The following ZNF618 variants were observed in gnomAD, a reference collection of about 807,000 sequenced individuals.
The protein encoded by ZNF618 is neural precursor cell expressed, developmentally down-regulated 10.
In ZNF618, 34 loss-of-function variants were observed where a neutral mutation model predicts 103.0. The observed-to-expected ratio is 0.33, with a 90% confidence interval of 0.25 to 0.44. The LOEUF (loss-of-function observed/expected upper bound fraction) is 0.44. Among genes scored for constraint, ZNF618 ranks in the 20% least tolerant of loss-of-function variants. The pLI is 1.00. For missense variants in ZNF618, 1,059 were observed against 1,295.4 expected, an observed-to-expected ratio of 0.82 and a Z score of 2.80; for synonymous variants, 551 against 542.2, an observed-to-expected ratio of 1.02 and a Z score of -0.23.
At chr9:113,880,804 A>G (rs1392886691) in intron 1 of ZNF618, among the ~76,000 whole-genome samples, 3 of 152,234 alleles carry the variant, frequency 2.0e-5, no homozygotes, top group East Asian at 3.8e-4. Flanking sequence ...GGTCACGGCC[A>G]AAAGAGTTTG....
At position 114,016,779 on chromosome 9, in the gene ZNF618, C is replaced by T. The variant is rs1564302674; in HGVS notation, c.839C>T (p.Pro280Leu). 1 of 1,612,542 alleles carries T rather than the reference C, an allele frequency of 6.2e-7. No individual in the cohort carries two copies. The highest frequency in any genetic ancestry group is 1.1e-5 in the South Asian group (1 of 90,688). Residue 280 changes from proline (P) to leucine (L), a missense_variant, in exon 10 of 15, where the codon CCC becomes CTC. Coordinates refer to ENST00000374126, the MANE Select transcript of ZNF618 (RefSeq NM_001318042.2). ...PYQEHVALHA[P>L]ISTAPGWEPP... Reference sequence around the variant, plus strand: ...CAGGAGCATGTGGCCTTACACGCCCCCATCAGTGAGTACCTCCTCCCGGTA... The same window carrying T: ...CAGGAGCATGTGGCCTTACACGCCCTCATCAGTGAGTACCTCCTCCCGGTA...
intron 1 of ZNF618, among the ~76,000 whole-genome samples, chr9:113,880,336 A>C (rs1828399655): frequency 6.6e-6 from 1 of 152,058 alleles, no homozygotes; most frequent in Non-Finnish European, 1.5e-5. Flanking sequence ...TGGACAAATC[A>C]CTTTTTCCTT....
chr9:114,039,064 G>A (rs575321196), intron 13 of ZNF618, among the ~76,000 whole-genome samples: 1 of 152,290 alleles, frequency 6.6e-6, no homozygotes, highest in African/African-American at 2.4e-5. Flanking sequence ...AGTCACTGTG[G>A]CAGGCTATAG....
chr9:113,902,897 C>A (rs1355039331), intron 1 of ZNF618, among the ~76,000 whole-genome samples: 15 of 152,168 alleles, frequency 9.9e-5, no homozygotes, highest in Admixed American at 9.8e-4. Context: ...TTCTCATTTG[C>A]CTTAACTGTC....
chr9:114,039,453 C>T (rs1164245863), intron 13 of ZNF618, among the ~76,000 whole-genome samples: 2 of 151,396 alleles, frequency 1.3e-5, no homozygotes, highest in Admixed American at 6.6e-5. Flanking sequence ...TGGGCTCAAG[C>T]GATTCTTGTG....
chr9:113,881,094 G>A (rs1174058902), intron 1 of ZNF618, among the ~76,000 whole-genome samples: 2 of 152,204 alleles, frequency 1.3e-5, no homozygotes, highest in Non-Finnish European at 2.9e-5. Flanking sequence ...TTTGAAGGCA[G>A]CGTCTTTGCA....
intron 1 of ZNF618, among the ~76,000 whole-genome samples, chr9:113,968,637 C>T (rs1035943210): frequency 6.6e-6 from 1 of 152,156 alleles, no homozygotes; most frequent in Non-Finnish European, 1.5e-5. Context: ...CCCCTCCCCC[C>T]ACACCCAAAT....
chr9:114,047,751 T>G (rs1231813549), intron 13 of ZNF618, 142 bp from the exon 14 acceptor site: 1 of 638,198 alleles, frequency 1.6e-6, no homozygotes, highest in Non-Finnish European at 2.8e-6. Context: ...GATAGTTGTC[T>G]AAGGAGGAGC....
At chr9:113,886,136 A>G (rs527257263) in intron 1 of ZNF618, among the ~76,000 whole-genome samples, 7 of 152,270 alleles carry the variant, frequency 4.6e-5, no homozygotes, top group African/African-American at 1.4e-4. Context: ...AGGCCTGAGT[A>G]TCTCTTGGCA....
chr9:113,946,920 G>A (rs901655856), intron 1 of ZNF618, among the ~76,000 whole-genome samples: 1 of 152,152 alleles, frequency 6.6e-6, no homozygotes, highest in Admixed American at 6.5e-5. Flanking sequence ...TCACCCACAT[G>A]TTCCCTGCAG....
At chr9:113,976,482 T>C (rs1428814141) in intron 2 of ZNF618, among the ~76,000 whole-genome samples, 3 of 152,320 alleles carry the variant, frequency 2.0e-5, no homozygotes, top group South Asian at 4.1e-4. Context: ...ACCATCTGTC[T>C]GGCTCTGCTG....
intron 1 of ZNF618, among the ~76,000 whole-genome samples, chr9:113,909,778 C>G (rs1398280676): frequency 2.7e-5 from 4 of 150,724 alleles, no homozygotes; most frequent in African/African-American, 9.7e-5. Flanking sequence ...ACAGCCTAGC[C>G]TTTTTTGTTT....
intron 2 of ZNF618, among the ~76,000 whole-genome samples, chr9:113,978,492 C>G (rs1438689812): frequency 2.0e-5 from 3 of 152,234 alleles, no homozygotes; most frequent in Non-Finnish European, 4.4e-5. Context: ...CCCTTCATTC[C>G]TTTCCTTTAT....
At chr9:114,038,496 G>C (rs999639697) in intron 13 of ZNF618, among the ~76,000 whole-genome samples, 1 of 152,212 alleles carries the variant, frequency 6.6e-6, no homozygotes, top group Non-Finnish European at 1.5e-5. Context: ...GCTCCATAGA[G>C]AGAAATTAAG....
chr9:114,012,022 TAAAAAA>T (rs372244026), intron 9 of ZNF618, among the ~76,000 whole-genome samples: 1 of 138,226 alleles, frequency 7.2e-6, no homozygotes, highest in African/African-American at 2.7e-5. Flanking sequence ...CTTGAATAGT[TAAAAAA>T]AAAAAAAAGA....
chr9:114,047,219 A>G (rs1166109435), intron 13 of ZNF618, among the ~76,000 whole-genome samples: 1 of 152,224 alleles, frequency 6.6e-6, no homozygotes, highest in African/African-American at 2.4e-5. Context: ...ACAAAAAACT[A>G]GAGAAGTATG....
At chr9:113,894,310 C>G (rs971677353) in intron 1 of ZNF618, among the ~76,000 whole-genome samples, 1 of 152,100 alleles carries the variant, frequency 6.6e-6, no homozygotes, top group Non-Finnish European at 1.5e-5. Context: ...CCTGACTGAC[C>G]ATTACATATT....
At chr9:114,016,565 C>T in intron 9 of ZNF618, 130 bp from the exon 10 acceptor site, 1 of 700,330 alleles carries the variant, frequency 1.4e-6, no homozygotes. Flanking sequence ...TCTTCTAACT[C>T]CAGAGTCAGA....
In ZNF618 at chr9:114,049,538, G is replaced by C; in HGVS notation, c.2236G>C (p.Val746Leu). The change falls in exon 15 of 15, where the codon GTC (valine) becomes CTC (leucine). Residue 746 changes from valine (V) to leucine (L), a missense_variant. Around this residue, in one of 6 missense-constraint regions of ZNF618, gnomAD observed 272 missense variants for 380.1 expected, o/e 0.72. Coordinates refer to ENST00000374126, the MANE Select transcript of ZNF618 (RefSeq NM_001318042.2). ...AAILTPVKQA[V>L]IELSNESQPT... ...CATCCTGACGCCGGTGAAGCAGGCA[G>C]TCATCGAGCTGAGCAACGAGAGCCA... is the stretch of plus-strand genomic sequence containing the variant. 6.2e-7 allele frequency: 1 copy of C among 1,613,844 alleles called. No individual in the cohort carries two copies. The highest frequency in any genetic ancestry group is 1.1e-5 in the South Asian group (1 of 91,080).
Sources: allele counts gnomAD v4.1 joint callset (sites outside exome capture counted in the v4.1 genomes callset), GRCh38; gene constraint gnomAD v4.1.1; regional missense constraint gnomAD v4.1.1; transcripts MANE v1.5; gene names NCBI Gene and HGNC (gene_info 2026-07-23, HGNC 2026-07-21).